SYT3: variants seen among roughly 807,000 people sequenced by gnomAD.
SYT3 encodes synaptotagmin 3, also known as synaptotagmin-3.
Under a neutral mutation model 50.6 loss-of-function variants are expected in SYT3, and 25 were observed. The ratio of observed to expected loss-of-function variants is 0.49; its 90% CI spans 0.36 to 0.69. The LOEUF (loss-of-function observed/expected upper bound fraction) is 0.69, where lower values mean the gene tolerates loss of function less well. Among genes scored for constraint, SYT3 ranks in the 30% least tolerant of loss-of-function variants. The pLI is 0.00. For missense variants in SYT3, 589 were observed against 793.6 expected (o/e 0.74, Z 3.10); for synonymous variants, 323 against 353.9 (o/e 0.91, Z 0.98).
intron 9 of SYT3, among the ~76,000 whole-genome samples, chr19:50,623,857 C>CA (rs1300647776): frequency 6.7e-6 from 1 of 149,740 alleles, no homozygotes; most frequent in East Asian, 2.0e-4. Context: ...AAAATTAATG[C>CA]AAAAAAATCA....
At chr19:50,626,206 A>C (rs982576017) in intron 6 of SYT3, 189 bp from the exon 7 acceptor site, 1 of 808,424 alleles carries the variant, frequency 1.2e-6, no homozygotes, top group Non-Finnish European at 1.8e-6. Context: ...ATGACCATCA[A>C]AGCTTATTTG....
Position 50,639,118 on chromosome 19 carries a change from C to G in SYT3, c.-109G>C, listed in dbSNP as rs780527570. The G allele has an allele frequency of 6.6e-6, 1 of 152,518 alleles. No individual in the cohort carries two copies. Among genetic ancestry groups the G allele is most frequent in the Non-Finnish European group, 1.5e-5 (1 of 68,366 alleles). 9.4% of individuals were successfully genotyped at this position (152,518 alleles called of 1,614,324 possible). On this transcript the variant is annotated 5_prime_UTR_variant, in exon 2 of 11. Coordinates refer to ENST00000600079, the MANE Select transcript of SYT3 (RefSeq NM_001160329.2). The surrounding 1 kb of genome is among the most constrained non-coding windows in gnomAD (Gnocchi z 4.6). Reference sequence around the variant, plus strand: ...TAGGGCGGACAAGGGGCTGTGGACCCGTTCCCACGCGCCGGGTAATGAGAG... The same window carrying G: ...TAGGGCGGACAAGGGGCTGTGGACCGGTTCCCACGCGCCGGGTAATGAGAG...
rs1184745196 is a variant in SYT3 at position 50,632,202 on chromosome 19, A to G, written c.674+84T>C. On this transcript the variant is annotated intron_variant, in intron 4 of 10. Coordinates refer to ENST00000600079, the MANE Select transcript of SYT3 (RefSeq NM_001160329.2). The surrounding 1 kb of genome is among the most constrained non-coding windows in gnomAD (Gnocchi z 4.7). ...ACCCCGATTCCCCTCCAAATCCCGA[A>G]CTCATAAGAGCTATAGATAGGAAAG... 4.3e-6 allele frequency: 6 copies of G among 1,406,238 alleles called. No individual in the cohort carries two copies. Among genetic ancestry groups the G allele is most frequent in the Non-Finnish European group, 5.7e-6 (6 of 1,049,184 alleles). 87.1% of individuals were successfully genotyped at this position (1,406,238 alleles called of 1,614,324 possible).
At chr19:50,656,918 C>G in the SYT3 span, among the ~76,000 whole-genome samples, 2 of 146,766 alleles carry the variant, frequency 1.4e-5, no homozygotes, top group African/African-American at 2.5e-5. Flanking sequence ...TGCCACTGCA[C>G]TCCAGCCTGG....
chr19:50,656,361 G>A, the SYT3 span: 31 of 1,529,202 alleles, frequency 2.0e-5, no homozygotes, highest in Admixed American at 6.1e-4. Context: ...GTGGACCTGT[G>A]CCCTTATTTT....
chr19:50,631,615 C>G (rs1347117020), intron 4 of SYT3, among the ~76,000 whole-genome samples: 1 of 152,086 alleles, frequency 6.6e-6, no homozygotes, highest in Non-Finnish European at 1.5e-5. Context: ...CCTGGAATGC[C>G]CAGGTCACAG....
intron 2 of SYT3, among the ~76,000 whole-genome samples, chr19:50,638,203 C>T (rs1984557477): frequency 6.6e-6 from 1 of 152,146 alleles, no homozygotes; most frequent in Non-Finnish European, 1.5e-5. Context: ...TGGAGCCAGC[C>T]ACAGGCGGGG....
chr19:50,627,164 G>A (rs1373526980), intron 6 of SYT3, among the ~76,000 whole-genome samples: 1 of 152,180 alleles, frequency 6.6e-6, no homozygotes, highest in Non-Finnish European at 1.5e-5. Context: ...CCTCCCAACT[G>A]TGCCCAGGAC....
intron 9 of SYT3, among the ~76,000 whole-genome samples, chr19:50,624,413 A>G (rs1249986980): frequency 6.6e-6 from 1 of 152,210 alleles, no homozygotes; most frequent in Non-Finnish European, 1.5e-5. Context: ...CAGAATTTGA[A>G]TAATTTGACT....
the SYT3 span, chr19:50,656,187 C>G: frequency 2.6e-6 from 4 of 1,536,124 alleles, no homozygotes; most frequent in Non-Finnish European, 3.5e-6. Flanking sequence ...GCAGTGAACC[C>G]TGACCTCAGA....
chr19:50,647,897 G>C, the SYT3 span, among the ~76,000 whole-genome samples: 32 of 152,308 alleles, frequency 2.1e-4, 1 homozygote, highest in African/African-American at 7.7e-4. Context: ...CAGCTTGATG[G>C]GAGAGAAGCA....
Position 50,639,260 on chromosome 19 carries a change from C to T in SYT3, c.-153-98G>A, listed in dbSNP as rs908348430. 1.3e-5 allele frequency: 2 copies of T among 152,232 alleles called. No homozygotes were observed. Among genetic ancestry groups the T allele is most frequent in the Non-Finnish European group, 2.9e-5 (2 of 68,074 alleles). The allele number at this position is 152,232 out of a possible 1,614,324, so 9.4% of individuals were successfully genotyped here. ...CGACCCACTGGGAGCCCGGCCACCCCCTCCCACCTCCGGGCCCCCAGCTCC... is the reference window on the plus strand; with the variant it reads ...CGACCCACTGGGAGCCCGGCCACCCTCTCCCACCTCCGGGCCCCCAGCTCC... On this transcript the variant is annotated intron_variant, in intron 1 of 10. Coordinates refer to ENST00000600079, the MANE Select transcript of SYT3 (RefSeq NM_001160329.2). The surrounding 1 kb of genome is among the most constrained non-coding windows in gnomAD (Gnocchi z 4.6).
At position 50,632,342 on chromosome 19, in the gene SYT3, C is replaced by A; in HGVS notation, c.618G>T (p.Gly206=). 6.2e-7 allele frequency: 1 copy of A among 1,606,584 alleles called. No homozygotes were observed. Among genetic ancestry groups the A allele is most frequent in the Non-Finnish European group, 8.5e-7 (1 of 1,174,202 alleles). The change falls in exon 4 of 11, where the codon GGG becomes GGT. Residue 206 remains glycine, a synonymous_variant. Transcript: ENST00000600079. The surrounding 1 kb of genome is among the most constrained non-coding windows in gnomAD (Gnocchi z 4.7). ...GATGTGACTGGGCACTGGGCAAGCC[C>A]CCACCACTGGGGGGCAGCAGGAGCA... ...SGLLLLPPSG[G]GLPSAQSHQQ...
At position 50,630,187 on chromosome 19, in the gene SYT3, G is replaced by T; in HGVS notation, c.675-16C>A. 1 of 1,501,678 alleles carries T rather than the reference G, an allele frequency of 6.7e-7. No individual in the cohort carries two copies. The highest frequency in any genetic ancestry group is 1.3e-5 in the South Asian group (1 of 74,102). The allele number at this position is 1,501,678 out of a possible 1,614,324, so 93.0% of individuals were successfully genotyped here. A position where few individuals can be genotyped will look rare whatever the true frequency, so the allele number is the denominator to read the frequency against. On this transcript the variant is annotated splice_polypyrimidine_tract_variant and intron_variant, in intron 4 of 10. Coordinates refer to ENST00000600079, the MANE Select transcript of SYT3 (RefSeq NM_001160329.2). ...GGCTGGGTACCTGTAGGGGGTTGGGGGGAGACCAAGGTGAGGTCAGTGGCT... is the reference window on the plus strand; with the variant it reads ...GGCTGGGTACCTGTAGGGGGTTGGGTGGAGACCAAGGTGAGGTCAGTGGCT...
the SYT3 span, among the ~76,000 whole-genome samples, chr19:50,654,361 G>A: frequency 6.6e-6 from 1 of 151,970 alleles, no homozygotes; most frequent in Admixed American, 6.6e-5. Flanking sequence ...GGAGTGCAGT[G>A]GCGCAATCTT....
intron 3 of SYT3, among the ~76,000 whole-genome samples, chr19:50,633,935 T>A (rs567665982): frequency 3.7e-4 from 57 of 152,318 alleles, no homozygotes; most frequent in Middle Eastern, 6.8e-3. Context: ...TTTACTATGA[T>A]GCTATCACAC....
At chr19:50,649,437 T>C in the SYT3 span, 5 of 1,536,106 alleles carry the variant, frequency 3.3e-6, no homozygotes, top group Non-Finnish European at 4.4e-6. Flanking sequence ...CTCACCCACC[T>C]TCCCAGGATG....
At chr19:50,634,927 C>T (rs746708381) in intron 3 of SYT3, among the ~76,000 whole-genome samples, 1 of 147,064 alleles carries the variant, frequency 6.8e-6, no homozygotes, top group Non-Finnish European at 1.5e-5. Flanking sequence ...CGCTGTGTCA[C>T]CCAGGCTGGA....
chr19:50,622,971 T>G (rs1983905713), intron 9 of SYT3, among the ~76,000 whole-genome samples: 1 of 139,756 alleles, frequency 7.2e-6, no homozygotes, highest in African/African-American at 2.7e-5. Flanking sequence ...CGAGGAGAGA[T>G]GAGGCTGTAG....
Sources: gnomAD v4.1 joint callset for allele counts (sites outside exome capture counted in the v4.1 genomes callset) on GRCh38, gnomAD v4.1.1 for gene constraint, Gnocchi (gnomAD v3.1) non-coding constraint, MANE v1.5 for transcripts, NCBI Gene and HGNC (gene_info 2026-07-23, HGNC 2026-07-21) for gene names.